The following VWA8 variants were observed in gnomAD, a reference collection of about 807,000 sequenced individuals.
VWA8 encodes von Willebrand factor A domain containing 8, also known as von Willebrand factor A domain-containing protein 8.
A neutral mutation model predicts 241.5 loss-of-function variants in VWA8; 221 were observed. The ratio of observed to expected loss-of-function variants is 0.91; its 90% CI spans 0.82 to 1.02. The LOEUF (loss-of-function observed/expected upper bound fraction) is 1.02, where lower values mean the gene tolerates loss of function less well. Ranked by LOEUF, VWA8 falls within the 50% of genes least tolerant of loss-of-function variation. VWA8 has a pLI of 0.00. For synonymous variants in VWA8, 852 were observed against 827.1 expected, an observed-to-expected ratio of 1.03 and a Z score of -0.52; for missense variants, 2,322 against 2,328.7, an observed-to-expected ratio of 1.00 and a Z score of 0.06.
chr13:41,961,074 G>T lies in VWA8; in HGVS notation c.-59C>A. 1 of 1,333,892 alleles carries T rather than the reference G, an allele frequency of 7.5e-7. No homozygotes were observed. The allele number at this position is 1,333,892 out of a possible 1,614,324, so 82.6% of individuals were successfully genotyped here. On this transcript the variant is annotated 5_prime_UTR_variant, in exon 1 of 45. Transcript: ENST00000379310. ...GCTCGGGGATCGAGCGGCGTCCCGTGCAGGCACCGTGAGGCAGCGCGGAGA... is the reference window on the plus strand; with the variant it reads ...GCTCGGGGATCGAGCGGCGTCCCGTTCAGGCACCGTGAGGCAGCGCGGAGA...
chr13:41,719,144 C>T (rs897154094), intron 26 of VWA8, among the ~76,000 whole-genome samples: 3 of 151,800 alleles, frequency 2.0e-5, no homozygotes, highest in African/African-American at 7.3e-5. Context: ...ACATAAGTAA[C>T]CAAAAATCTC....
rs200569260 is a variant in VWA8 at position 41,790,990 on chromosome 13, T to C, written c.2064-3447A>G. Among the ~76,000 whole-genome samples, 11 of 152,090 alleles carry C rather than the reference T, an allele frequency of 7.2e-5. No individual in the cohort carries two copies. The East Asian group carries it at 2.1e-3, about 29-fold the overall frequency. On this transcript the variant is annotated intron_variant, in intron 17 of 44. Transcript: ENST00000379310. ...AAACTCAATGTTTAATAAATTTAGG[T>C]TAGATAATTTATCTTGATTTTTGTC...
intron 19 of VWA8, among the ~76,000 whole-genome samples, chr13:41,779,002 C>T (rs893033649): frequency 2.7e-5 from 4 of 150,434 alleles, no homozygotes; most frequent in Admixed American, 6.6e-5. Flanking sequence ...CCACCACGCC[C>T]GGCTAATTTT....
At chr13:41,716,572 C>T (rs536245519) in intron 26 of VWA8, among the ~76,000 whole-genome samples, 67 of 152,122 alleles carry the variant, frequency 4.4e-4, no homozygotes, top group African/African-American at 1.6e-3. Flanking sequence ...CCTTCTAAAA[C>T]ATCTGACTTA....
At chr13:41,943,589 T>C (rs144089360) in intron 2 of VWA8, among the ~76,000 whole-genome samples, 349 of 152,154 alleles carry the variant, frequency 2.3e-3, no homozygotes, top group Non-Finnish European at 4.0e-3. Flanking sequence ...ACTAAGCAAA[T>C]AGATTGAGAA....
rs138269345 is a variant in VWA8, at chr13:41,886,816, C to A, written c.831G>T (p.Leu277Phe). 1.3e-6 allele frequency: 2 copies of A among 1,591,924 alleles called. No individual in the cohort carries two copies. The highest frequency in any genetic ancestry group is 4.5e-5 in the East Asian group (2 of 44,108). The stretch of plus-strand genomic sequence containing the variant: ...AAACATTGGCTCCAATTGAATATAA[C>A]AACTTAAGTTGGTCCTAAAGTAATA... ...YYLPFKDQLK[L>F]LYSIGANVSA... Residue 277 changes from leucine (L) to phenylalanine (F), a missense_variant, in exon 7 of 45, where the codon TTG (leucine) becomes TTT (phenylalanine). Coordinates refer to ENST00000379310, the MANE Select transcript of VWA8 (RefSeq NM_015058.2).
chr13:41,783,959 G>A (rs1023209976), intron 18 of VWA8, 58 bp from the exon 19 acceptor site: 9 of 1,293,588 alleles, frequency 7.0e-6, no homozygotes, highest in Middle Eastern at 1.8e-4. Context: ...GAGATGCCAA[G>A]CCACCCAACA....
intron 37 of VWA8, among the ~76,000 whole-genome samples, chr13:41,668,388 T>C (rs1025961472): frequency 1.3e-5 from 2 of 152,184 alleles, no homozygotes; most frequent in Non-Finnish European, 2.9e-5. Context: ...GGGAAGCTGC[T>C]TGCAGCCAGC....
chr13:41,637,819 T>G (rs2044769209), intron 37 of VWA8, among the ~76,000 whole-genome samples: 1 of 152,234 alleles, frequency 6.6e-6, no homozygotes, highest in Non-Finnish European at 1.5e-5. Context: ...ATTGTTGTGT[T>G]TGTCTCTCTC....
intron 17 of VWA8, among the ~76,000 whole-genome samples, chr13:41,802,740 C>T (rs1163799451): frequency 1.3e-5 from 2 of 152,240 alleles, no homozygotes; most frequent in Admixed American, 6.5e-5. Flanking sequence ...CCACCCTGGG[C>T]CAGAAGGGAA....
Position 41,703,683 on chromosome 13 carries a change from C to G in VWA8, c.3117-272G>C, listed in dbSNP as rs974177408. Among the ~76,000 whole-genome samples the G allele has an allele frequency of 1.3e-5, 2 of 152,062 alleles. 1 individual carries two copies. The highest frequency in any genetic ancestry group is 2.9e-5 in the Non-Finnish European group (2 of 68,010). ...AATACAATTGATTTACATACATACTCCTTTGAATTGCAGTAATTGAACATC... is the reference window on the plus strand; with the variant it reads ...AATACAATTGATTTACATACATACTGCTTTGAATTGCAGTAATTGAACATC... On this transcript the variant is annotated intron_variant, in intron 26 of 44. Coordinates refer to ENST00000379310, the MANE Select transcript of VWA8 (RefSeq NM_015058.2).
At chr13:41,932,445 A>G (rs1877167675) in intron 2 of VWA8, among the ~76,000 whole-genome samples, 2 of 152,124 alleles carry the variant, frequency 1.3e-5, no homozygotes, top group Admixed American at 6.5e-5. Flanking sequence ...AATTATTCCC[A>G]ATTCATTCTA....
At chr13:41,807,897 T>C (rs1435347025) in intron 17 of VWA8, 2 of 152,208 alleles carry the variant, frequency 1.3e-5, no homozygotes, top group East Asian at 3.8e-4. Flanking sequence ...TCAAAACTCC[T>C]GTGTCGATCA....
At chr13:41,649,141 G>A (rs989496474) in intron 37 of VWA8, among the ~76,000 whole-genome samples, 5 of 152,128 alleles carry the variant, frequency 3.3e-5, no homozygotes, top group African/African-American at 9.7e-5. Flanking sequence ...CTGAGATTGC[G>A]CCACTGCAGT....
rs2045728424 is a variant in VWA8 at position 41,760,056 on chromosome 13, A to C, written c.2426+1072T>G. Among the ~76,000 whole-genome samples, 3 of 151,822 alleles carry C rather than the reference A, an allele frequency of 2.0e-5. No homozygotes were observed. The South Asian group carries it at 6.2e-4, about 31-fold the overall frequency. On this transcript the variant is annotated intron_variant, in intron 21 of 44. Transcript: ENST00000379310. Reference sequence around the variant, plus strand: ...GGAGTAACTCTTACTTTAGGGATAGATTAGTCCTACTTCTAAACATAGACT... The same window carrying C: ...GGAGTAACTCTTACTTTAGGGATAGCTTAGTCCTACTTCTAAACATAGACT...
chr13:41,676,562 C>A (rs894696396), intron 35 of VWA8, among the ~76,000 whole-genome samples: 7 of 151,986 alleles, frequency 4.6e-5, no homozygotes, highest in Non-Finnish European at 1.0e-4. Context: ...TTTATGCTTG[C>A]AAAAAGTGTA....
chr13:41,690,052 C>T, intron 33 of VWA8, 114 bp downstream of exon 33: 1 of 850,220 alleles, frequency 1.2e-6, no homozygotes, highest in African/African-American at 1.8e-5. Context: ...TAAGTTTTTT[C>T]TTTTGGTGTA....
intron 37 of VWA8, among the ~76,000 whole-genome samples, chr13:41,650,180 T>C (rs964910749): frequency 1.3e-5 from 2 of 152,232 alleles, no homozygotes; most frequent in African/African-American, 4.8e-5. Flanking sequence ...TAAATAATAA[T>C]ATTGTATACT....
intron 3 of VWA8, among the ~76,000 whole-genome samples, chr13:41,909,054 A>ATT (rs199938365): frequency 7.0e-5 from 10 of 143,350 alleles, no homozygotes; most frequent in African/African-American, 1.3e-4. Flanking sequence ...GAGGAAAAAA[A>ATT]TTTTTTTTTT....
Sources: gnomAD v4.1 joint callset for allele counts (sites outside exome capture counted in the v4.1 genomes callset) on GRCh38, gnomAD v4.1.1 for gene constraint, MANE v1.5 for transcripts, NCBI Gene and HGNC (gene_info 2026-07-23, HGNC 2026-07-21) for gene names.